Variants in ZNF540 observed in about 807,000 individuals in gnomAD.
ZNF540 encodes the protein zinc finger protein 540, also known as CTD-3064H18.6.
In ZNF540, 3 loss-of-function variants were observed where a neutral mutation model predicts 11.8. The observed-to-expected ratio is 0.25, with a 90% CI of 0.12 to 0.65. ZNF540 has a LOEUF of 0.65. ZNF540 is among the 30% of genes least tolerant of loss of function. The probability of loss-of-function intolerance (pLI) is 0.83; values close to 1 mark genes in which losing one functional copy is unlikely to be tolerated. For missense variants in ZNF540, 709 were observed against 793.1 expected (o/e 0.89, Z 1.27); for synonymous variants, 247 against 259.0 (o/e 0.95, Z 0.45).
At chr19:37,559,436 A>G (rs931506705) in intron 1 of ZNF540, among the ~76,000 whole-genome samples, 15 of 152,378 alleles carry the variant, frequency 9.8e-5, no homozygotes, top group African/African-American at 3.6e-4. Context: ...AGAAATAGAA[A>G]ACTCAACCTG....
chr19:37,589,347 A>C (rs893635140), intron 1 of ZNF540, among the ~76,000 whole-genome samples: 3 of 152,166 alleles, frequency 2.0e-5, no homozygotes, highest in Non-Finnish European at 4.4e-5. Flanking sequence ...ATACACAGAC[A>C]AATGACAAAA....
upstream of ZNF540, among the ~76,000 whole-genome samples, chr19:37,590,103 G>A (rs1184523045): frequency 6.9e-5 from 4 of 58,156 alleles, no homozygotes; most frequent in Non-Finnish European, 1.4e-4. Flanking sequence ...CCAGATAAGG[G>A]GCAAAAAAAG....
In ZNF540 at chr19:37,613,342, G is replaced by T; in HGVS notation, c.*79G>T. 1.9e-6 allele frequency: 2 copies of T among 1,079,186 alleles called. No homozygotes were observed. Among genetic ancestry groups the T allele is most frequent in the South Asian group, 2.5e-5 (1 of 40,446 alleles). The allele number at this position is 1,079,186 out of a possible 1,614,324, so 66.9% of individuals were successfully genotyped here. A position where few individuals can be genotyped will look rare whatever the true frequency, so the allele number is the denominator to read the frequency against. On this transcript the variant is annotated 3_prime_UTR_variant, in exon 5 of 5. Transcript: ENST00000316433. ...TGGCCAGAAGTTCTGTCAATGTGTT[G>T]ATGTTTTTTTACACATATTAACTTA...
chr19:37,586,679 T>G (rs2043685510), intron 1 of ZNF540: 1 of 1,614,002 alleles, frequency 6.2e-7, no homozygotes, highest in Non-Finnish European at 8.5e-7. Context: ...TGGGGCATGG[T>G]TTTTTAGAAC....
chr19:37,612,967 C>T lies in ZNF540; in HGVS notation c.1687C>T (p.Arg563Cys), dbSNP rs201168289. The T allele has an allele frequency of 3.0e-5, 48 of 1,613,966 alleles. No individual in the cohort carries two copies. The Admixed American group carries it at 5.7e-4, about 19-fold the overall frequency. The change falls in exon 5 of 5, where the codon CGT becomes TGT. Residue 563 changes from arginine to cysteine, a missense_variant. Transcript: ENST00000316433. Reference sequence around the variant, plus strand: ...AGAATGTGGGAAGTCCTTTAGTCGGCGTGGGCAGTTCACTGAACATCAGAA... The same window carrying T: ...AGAATGTGGGAAGTCCTTTAGTCGGTGTGGGCAGTTCACTGAACATCAGAA... ...CKECGKSFSR[R>C]GQFTEHQKIH...
At position 37,612,290 on chromosome 19, in the gene ZNF540, G is replaced by A. The variant is rs141167369; in HGVS notation, c.1010G>A (p.Ser337Asn). The change falls in exon 5 of 5, where the codon AGT (serine) becomes AAT (asparagine). Residue 337 changes from serine (S) to asparagine (N), a missense_variant. Ser to Asn is a conservative substitution (Grantham distance 46). Coordinates refer to ENST00000316433, the MANE Select transcript of ZNF540 (RefSeq NM_001172225.3). ...YECKECGKAF[S>N]VCGQLTRHQK... ...TGTAAGGAGTGTGGGAAAGCTTTTA[G>A]TGTATGCGGACAACTTACCCGTCAT... is the stretch of plus-strand genomic sequence containing the variant. The A allele has an allele frequency of 6.2e-6, 10 of 1,613,730 alleles. No individual in the cohort carries two copies. Among genetic ancestry groups the A allele is most frequent in the East Asian group, 2.2e-5 (1 of 44,842 alleles).
chr19:37,593,309 G>C (rs2043921913), upstream of ZNF540, among the ~76,000 whole-genome samples: 1 of 152,010 alleles, frequency 6.6e-6, no homozygotes, highest in Admixed American at 6.5e-5. Flanking sequence ...AACATGTTGG[G>C]GTTCGTATTA....
At chr19:37,601,750 A>C (rs943208655) in intron 4 of ZNF540, among the ~76,000 whole-genome samples, 1 of 152,240 alleles carries the variant, frequency 6.6e-6, no homozygotes, top group African/African-American at 2.4e-5. Flanking sequence ...GGCCATGTGA[A>C]TATCTGGAAG....
At chr19:37,575,052 C>G (rs962885801) in intron 1 of ZNF540, among the ~76,000 whole-genome samples, 5 of 152,174 alleles carry the variant, frequency 3.3e-5, no homozygotes, top group African/African-American at 9.7e-5. Flanking sequence ...ACTCTATGAA[C>G]AAACCTAACA....
chr19:37,556,647 T>C (rs986695840), intron 1 of ZNF540, among the ~76,000 whole-genome samples: 1 of 152,204 alleles, frequency 6.6e-6, no homozygotes, highest in African/African-American at 2.4e-5. Context: ...CAGGATGATA[T>C]CTTGTACCTG....
chr19:37,577,436 T>C (rs2043280581), intron 1 of ZNF540, among the ~76,000 whole-genome samples: 1 of 152,026 alleles, frequency 6.6e-6, no homozygotes. Context: ...ACTCACAACA[T>C]AAAGTATAGG....
intron 1 of ZNF540, among the ~76,000 whole-genome samples, chr19:37,597,726 CA>C (rs1453677052): frequency 6.6e-6 from 1 of 152,240 alleles, no homozygotes; most frequent in Non-Finnish European, 1.5e-5. Context: ...TGCGCCCAGC[CA>C]GCAAATGTTT....
At chr19:37,566,414 A>ATATT in intron 1 of ZNF540, 4 of 1,135,064 alleles carry the variant, frequency 3.5e-6, no homozygotes, top group Non-Finnish European at 3.7e-6. Context: ...CAGTACAGAA[A>ATATT]TATTTTCTGC....
chr19:37,590,134 C>T (rs891251614), upstream of ZNF540, among the ~76,000 whole-genome samples: 24 of 151,362 alleles, frequency 1.6e-4, no homozygotes, highest in Non-Finnish European at 3.2e-4. Context: ...GCTGGGCATG[C>T]GGTGGCTCAT....
At chr19:37,566,540 A>G (rs776987403) in intron 1 of ZNF540, 193 of 390,940 alleles carry the variant, frequency 4.9e-4, no homozygotes, top group Non-Finnish European at 6.9e-4. Context: ...TGGCTTAGAG[A>G]CACCCAGGAG....
rs1264304967 is a variant in ZNF540 at position 37,556,249 on chromosome 19, TTG to T, written c.-73+4587_-73+4588del. The T allele has an allele frequency of 4.8e-6, 3 of 628,412 alleles. No individual in the cohort carries two copies. The East Asian group carries it at 8.2e-5, about 17-fold the overall frequency. The allele number at this position is 628,412 out of a possible 1,614,324, so 38.9% of individuals were successfully genotyped here. On this transcript the variant is annotated intron_variant, in intron 1 of 4. Coordinates refer to the ZNF540 transcript ENST00000592533. ...GTGGTGTTTGCAAATACACATCCTG[TTG>T]TGAAAGAGGTGAGGAGAAAGGAGTA...
At chr19:37,581,939 C>T (rs572848183) in intron 1 of ZNF540, among the ~76,000 whole-genome samples, 1 of 152,280 alleles carries the variant, frequency 6.6e-6, no homozygotes, top group African/African-American at 2.4e-5. Context: ...TCTCTCCTAC[C>T]ACCATAATTA....
At chr19:37,601,142 A>G (rs1335602652) in intron 4 of ZNF540, 37 bp downstream of exon 4, 5 of 1,528,746 alleles carry the variant, frequency 3.3e-6, no homozygotes, top group African/African-American at 1.4e-5. Flanking sequence ...GGAAGCCCTC[A>G]TTGCCAGTCA....
At chr19:37,574,892 G>A (rs780023709) in intron 1 of ZNF540, among the ~76,000 whole-genome samples, 2 of 152,020 alleles carry the variant, frequency 1.3e-5, no homozygotes, top group Admixed American at 6.5e-5. Flanking sequence ...GCCATGAGTC[G>A]GCCTTCATAA....
Sources: allele counts gnomAD v4.1 joint callset (sites outside exome capture counted in the v4.1 genomes callset), GRCh38; gene constraint gnomAD v4.1.1; transcripts MANE v1.5; gene names NCBI Gene and HGNC (gene_info 2026-07-23, HGNC 2026-07-21).